Variants in IGF1R observed in about 807,000 individuals in gnomAD.
IGF1R encodes insulin-like growth factor 1 receptor.
IGF1R carries 44 observed loss-of-function variants against 144.6 expected under a neutral mutation model. That is an observed-to-expected ratio of 0.30 (90% CI 0.24 to 0.39). IGF1R has a LOEUF of 0.39. Among genes scored for constraint, IGF1R ranks in the 10% least tolerant of loss-of-function variants. IGF1R has a pLI of 1.00. For missense variants in IGF1R, 1,355 were observed against 1,833.7 expected (o/e 0.74, Z 4.77); for synonymous variants, 795 against 722.8 (o/e 1.10, Z -1.60).
chr15:98,914,716 A>T (rs541822185), intron 8 of IGF1R, among the ~76,000 whole-genome samples: 1 of 152,324 alleles, frequency 6.6e-6, no homozygotes, highest in African/African-American at 2.4e-5. Flanking sequence ...TTCCACAAAG[A>T]TGGAAACCAG....
intron 2 of IGF1R, among the ~76,000 whole-genome samples, chr15:98,850,726 A>G (rs2011496674): frequency 6.6e-6 from 1 of 151,922 alleles, no homozygotes; most frequent in Non-Finnish European, 1.5e-5. Flanking sequence ...TGAGTGATGG[A>G]CAAGGGCTTG....
intron 1 of IGF1R, among the ~76,000 whole-genome samples, chr15:98,671,542 C>T (rs900421888): frequency 6.6e-6 from 1 of 152,196 alleles, no homozygotes; most frequent in Non-Finnish European, 1.5e-5. Context: ...CTTATTGGTT[C>T]ATTTATCCTG....
intron 2 of IGF1R, among the ~76,000 whole-genome samples, chr15:98,810,533 T>G (rs1038793754): frequency 6.6e-6 from 1 of 151,962 alleles, no homozygotes; most frequent in East Asian, 1.9e-4. Flanking sequence ...AATCAGATTC[T>G]AAATGATTTT....
At chr15:98,779,630 C>A (rs1014695701) in intron 2 of IGF1R, among the ~76,000 whole-genome samples, 1 of 152,164 alleles carries the variant, frequency 6.6e-6, no homozygotes, top group Non-Finnish European at 1.5e-5. Context: ...TTTTCTGATG[C>A]GGAACTATCA....
chr15:98,957,362 G>C lies in IGF1R; in HGVS notation c.4024G>C (p.Glu1342Gln). The C allele has an allele frequency of 1.2e-6, 2 of 1,612,428 alleles. No homozygotes were observed. Among genetic ancestry groups the C allele is most frequent in the South Asian group, 1.1e-5 (1 of 91,068 alleles). Reference sequence around the variant, plus strand: ...GCTGGTCCTCCGCGCCAGCTTCGACGAGAGACAGCCTTACGCCCACATGAA... The same window carrying C: ...GCTGGTCCTCCGCGCCAGCTTCGACCAGAGACAGCCTTACGCCCACATGAA... Reference protein sequence around the residue: ...GVLVLRASFDERQPYAHMNGG... With the variant: ...GVLVLRASFDQRQPYAHMNGG... The change falls in exon 21 of 21, where the codon GAG (glutamate) becomes CAG (glutamine). Residue 1342 changes from glutamate to glutamine, a missense_variant. By Grantham distance (29) the Glu-to-Gln change is conservative. This residue lies in a region of IGF1R where 219 missense variants were observed against 188.8 expected (regional missense o/e 1.16). Transcript: ENST00000650285.
chr15:98,878,902 A>G lies in IGF1R; in HGVS notation c.641-12423A>G, dbSNP rs28711780. On this transcript the variant is annotated intron_variant, in intron 2 of 20. Coordinates refer to ENST00000650285, the MANE Select transcript of IGF1R (RefSeq NM_000875.5). ...TCCCAGCTACTCGGGAAGCTGAGGC[A>G]GGAGAATTGCTTGAACCCGGGAGGT... Among the ~76,000 whole-genome samples, 573 of 152,184 alleles carry G rather than the reference A, an allele frequency of 3.8e-3. 1 individual carries two copies. The highest frequency in any genetic ancestry group is 0.013 in the African/African-American group (550 of 41,518).
chr15:98,962,116 G>A lies in IGF1R; in HGVS notation c.*4674G>A, dbSNP rs2017250161. The A allele has an allele frequency of 4.3e-6, 1 of 233,206 alleles. No individual in the cohort carries two copies. Among genetic ancestry groups the A allele is most frequent in the Non-Finnish European group, 8.5e-6 (1 of 118,070 alleles). The allele number at this position is 233,206 out of a possible 1,614,324, so 14.4% of individuals were successfully genotyped here. A position where few individuals can be genotyped will look rare whatever the true frequency, so the allele number is the denominator to read the frequency against. ...TGGCTTGCCAGTGGCTCTGTGGCAA[G>A]ATCACACTGAGATCGATGGGTGAGA... On this transcript the variant is annotated 3_prime_UTR_variant, in exon 21 of 21. Transcript: ENST00000650285.
intron 2 of IGF1R, among the ~76,000 whole-genome samples, chr15:98,708,848 T>C (rs2053927882): frequency 6.6e-6 from 1 of 152,216 alleles, no homozygotes; most frequent in Admixed American, 6.5e-5. Context: ...ATTTCACGAG[T>C]GAAGGAACTT....
intron 2 of IGF1R, among the ~76,000 whole-genome samples, chr15:98,857,521 C>T (rs1431450431): frequency 1.3e-5 from 2 of 152,160 alleles, no homozygotes; most frequent in Admixed American, 6.5e-5. Flanking sequence ...GCCCAGCCTA[C>T]GTCTTTAAAA....
intron 2 of IGF1R, among the ~76,000 whole-genome samples, chr15:98,858,854 C>A (rs987454738): frequency 2.0e-5 from 3 of 152,190 alleles, no homozygotes; most frequent in African/African-American, 4.8e-5. Flanking sequence ...CGTGTGACAT[C>A]TGGGACCAGC....
At position 98,707,478 on chromosome 15, in the gene IGF1R, A is replaced by T; in HGVS notation, c.95-84A>T. ...CTTTAATAATAATACAGGATTCCTG[A>T]AAACCAACTGTATTATTGTTTGGAA... is the stretch of plus-strand genomic sequence containing the variant. On this transcript the variant is annotated intron_variant, in intron 1 of 20. Coordinates refer to ENST00000650285, the MANE Select transcript of IGF1R (RefSeq NM_000875.5). This position sits in a 1 kb window ranked among gnomAD's most constrained non-coding sequence, Gnocchi z 6.7. 1.5e-6 allele frequency: 2 copies of T among 1,343,414 alleles called. No individual in the cohort carries two copies. Among genetic ancestry groups the T allele is most frequent in the Admixed American group, 3.9e-5 (2 of 51,546 alleles). 83.2% of individuals were successfully genotyped at this position (1,343,414 alleles called of 1,614,324 possible). A position where few individuals can be genotyped will look rare whatever the true frequency, so the allele number is the denominator to read the frequency against.
At chr15:98,875,526 TG>T (rs1350242899) in intron 2 of IGF1R, among the ~76,000 whole-genome samples, 1 of 152,076 alleles carries the variant, frequency 6.6e-6, no homozygotes, top group African/African-American at 2.4e-5. Context: ...TGTGGATGCA[TG>T]GGCAGTTATG....
At chr15:98,850,565 A>T (rs945789796) in intron 2 of IGF1R, among the ~76,000 whole-genome samples, 1 of 152,268 alleles carries the variant, frequency 6.6e-6, no homozygotes. Flanking sequence ...CTGGGAGCAC[A>T]GAGGAGTCAG....
intron 2 of IGF1R, among the ~76,000 whole-genome samples, chr15:98,754,487 T>A (rs1314664429): frequency 2.0e-5 from 3 of 152,124 alleles, no homozygotes; most frequent in Admixed American, 6.5e-5. Context: ...TGTGATAAAC[T>A]CCCAACATGA....
Position 98,924,657 on chromosome 15 carries a change from C to A in IGF1R, c.2755C>A (p.Pro919Thr). Residue 919 changes from proline (P) to threonine (T), a missense_variant, in exon 13 of 21, where the codon CCT becomes ACT. This residue lies in a region of IGF1R where 880 missense variants were observed against 1,202.7 expected (regional missense o/e 0.73). Coordinates refer to ENST00000650285, the MANE Select transcript of IGF1R (RefSeq NM_000875.5). ...SLSGNGSWTD[P>T]VFFYVQAKTG... ...CTCTGGGAATGGGTCGTGGACAGATCCTGTGTTCTTCTATGTCCAGGCCAA... is the reference window on the plus strand; with the variant it reads ...CTCTGGGAATGGGTCGTGGACAGATACTGTGTTCTTCTATGTCCAGGCCAA... The A allele has an allele frequency of 6.2e-7, 1 of 1,614,148 alleles. No homozygotes were observed. The highest frequency in any genetic ancestry group is 8.5e-7 in the Non-Finnish European group (1 of 1,180,012).
chr15:98,693,925 T>A (rs1184730942), intron 1 of IGF1R, among the ~76,000 whole-genome samples: 1 of 152,186 alleles, frequency 6.6e-6, no homozygotes, highest in Non-Finnish European at 1.5e-5. Context: ...GTCTTCTGTT[T>A]TTGCCCACTG....
intron 17 of IGF1R, among the ~76,000 whole-genome samples, chr15:98,938,772 A>C (rs550040375): frequency 2.8e-4 from 42 of 152,376 alleles, no homozygotes; most frequent in African/African-American, 9.4e-4. Context: ...ACATTTGCTT[A>C]CTTCCACACA....
At chr15:98,824,961 C>G (rs1694126299) in intron 2 of IGF1R, among the ~76,000 whole-genome samples, 2 of 151,976 alleles carry the variant, frequency 1.3e-5, no homozygotes, top group Admixed American at 1.3e-4. Flanking sequence ...CTCAGCCTCC[C>G]TAGTAGCTGG....
At chr15:98,879,720 A>G (rs545836879) in intron 2 of IGF1R, among the ~76,000 whole-genome samples, 1 of 152,310 alleles carries the variant, frequency 6.6e-6, no homozygotes, top group East Asian at 1.9e-4. Context: ...ATCACTGCAC[A>G]TTCATAGAAA....
Sources: gnomAD v4.1 joint callset for allele counts (sites outside exome capture counted in the v4.1 genomes callset) on GRCh38, gnomAD v4.1.1 for gene constraint, gnomAD v4.1.1 regional missense constraint, Gnocchi (gnomAD v3.1) non-coding constraint, MANE v1.5 for transcripts, NCBI Gene and HGNC (gene_info 2026-07-23, HGNC 2026-07-21) for gene names.